BMPR1B: variants seen among roughly 807,000 people sequenced by gnomAD.
BMPR1B encodes the protein bone morphogenetic protein receptor type-1B.
Under a neutral mutation model 59.1 loss-of-function variants are expected in BMPR1B, and 12 were observed. That is an observed-to-expected ratio of 0.20 (90% CI 0.13 to 0.33). BMPR1B has a LOEUF of 0.33. Among genes scored for constraint, BMPR1B ranks in the 10% least tolerant of loss-of-function variants. The pLI is 1.00. For synonymous variants in BMPR1B, 237 were observed against 207.3 expected (o/e 1.14, Z -1.23); for missense variants, 550 against 610.9 (o/e 0.90, Z 1.05).
At chr4:94,777,532 A>G (rs1437924179) in intron 1 of BMPR1B, among the ~76,000 whole-genome samples, 1 of 152,190 alleles carries the variant, frequency 6.6e-6, no homozygotes, top group East Asian at 1.9e-4. Flanking sequence ...ATTTAAAGGA[A>G]AAAAGCTATT....
chr4:95,037,115 A>C (rs554481648), intron 3 of BMPR1B, among the ~76,000 whole-genome samples: 1 of 152,308 alleles, frequency 6.6e-6, no homozygotes, highest in South Asian at 2.1e-4. Flanking sequence ...TCCTAGCTAC[A>C]GAAGCTATGA....
intron 1 of BMPR1B, among the ~76,000 whole-genome samples, chr4:94,797,849 A>G (rs1723254947): frequency 6.6e-6 from 1 of 152,194 alleles, no homozygotes; most frequent in Admixed American, 6.5e-5. Flanking sequence ...TAGATTGTCA[A>G]ATAGCTTCAG....
chr4:95,008,716 G>A (rs1235477221), intron 3 of BMPR1B, among the ~76,000 whole-genome samples: 2 of 151,762 alleles, frequency 1.3e-5, no homozygotes, highest in South Asian at 2.1e-4. Context: ...CACTAAAAAA[G>A]AATAAGAAAG....
intron 1 of BMPR1B, among the ~76,000 whole-genome samples, chr4:94,797,109 T>A (rs888056894): frequency 3.9e-5 from 6 of 152,186 alleles, no homozygotes; most frequent in African/African-American, 1.4e-4. Flanking sequence ...GGGCACTTTT[T>A]ACATGGCAGA....
intron 3 of BMPR1B, among the ~76,000 whole-genome samples, chr4:95,029,020 G>C (rs6844029): frequency 1.3e-5 from 2 of 151,964 alleles, no homozygotes; most frequent in Non-Finnish European, 2.9e-5. Flanking sequence ...TCTCTTATCT[G>C]TGTCTCGCCA....
chr4:95,152,620 TA>T, intron 11 of BMPR1B, 22 bp from the exon 12 acceptor site: 3 of 1,501,538 alleles, frequency 2.0e-6, no homozygotes, highest in Non-Finnish European at 2.7e-6. Flanking sequence ...ATAATAATAA[TA>T]ATAGTAACAA....
At chr4:94,933,871 C>G (rs1344819928) in intron 2 of BMPR1B, among the ~76,000 whole-genome samples, 1 of 152,062 alleles carries the variant, frequency 6.6e-6, no homozygotes, top group Non-Finnish European at 1.5e-5. Flanking sequence ...GTACCATGAC[C>G]TCACTGAACA....
intron 2 of BMPR1B, among the ~76,000 whole-genome samples, chr4:94,910,504 T>C (rs1728231777): frequency 6.6e-6 from 1 of 152,268 alleles, no homozygotes; most frequent in African/African-American, 2.4e-5. Flanking sequence ...CTAAGTAATT[T>C]ATAAGATAAG....
intron 1 of BMPR1B, among the ~76,000 whole-genome samples, chr4:94,807,791 T>C (rs1409071096): frequency 6.6e-6 from 1 of 152,070 alleles, no homozygotes; most frequent in Admixed American, 6.5e-5. Flanking sequence ...TTCAAGAGAT[T>C]TTTGTGCCTC....
At chr4:94,870,220 T>C (rs1726427353) in intron 1 of BMPR1B, among the ~76,000 whole-genome samples, 1 of 152,200 alleles carries the variant, frequency 6.6e-6, no homozygotes, top group Non-Finnish European at 1.5e-5. Flanking sequence ...CTTGTTTTTA[T>C]GATTTTCTTG....
At position 94,999,846 on chromosome 4, in the gene BMPR1B, T is replaced by G. The variant is rs28609579; in HGVS notation, c.-18+3712T>G. Among the ~76,000 whole-genome samples, 1,124 of 152,230 alleles carry G rather than the reference T, an allele frequency of 7.4e-3. 14 individuals are homozygous for G. The highest frequency in any genetic ancestry group is 0.026 in the African/African-American group (1,077 of 41,520). ...ATAATAGAAAATCATGGTCTGAAAA[T>G]TCTCAAACCTGAAAGGTGATATTCC... On this transcript the variant is annotated intron_variant, in intron 3 of 12. Transcript: ENST00000515059.
At chr4:94,843,752 CAATAATGGGGTG>C (rs1725196616) in intron 1 of BMPR1B, among the ~76,000 whole-genome samples, 1 of 152,004 alleles carries the variant, frequency 6.6e-6, no homozygotes, top group South Asian at 2.1e-4. Flanking sequence ...TTTTGATAAG[CAATAATGGGGTG>C]AAAAGCCTTA....
intron 1 of BMPR1B, among the ~76,000 whole-genome samples, chr4:94,863,457 C>T (rs746069573): frequency 3.9e-5 from 6 of 152,196 alleles, no homozygotes; most frequent in Non-Finnish European, 5.9e-5. Context: ...ACAGTGAACA[C>T]TGCTCTTGCC....
chr4:95,061,482 A>T (rs944346020), intron 3 of BMPR1B, among the ~76,000 whole-genome samples: 3 of 152,196 alleles, frequency 2.0e-5, no homozygotes, highest in Non-Finnish European at 4.4e-5. Flanking sequence ...GTTTCCTTTA[A>T]CAGAAAATAA....
At chr4:95,105,172 T>A (rs1276472022) in intron 4 of BMPR1B, among the ~76,000 whole-genome samples, 1 of 152,154 alleles carries the variant, frequency 6.6e-6, no homozygotes, top group African/African-American at 2.4e-5. Context: ...TAAATGCCTT[T>A]ATGCAGCTCC....
chr4:94,848,001 T>A (rs1725407637), intron 1 of BMPR1B, among the ~76,000 whole-genome samples: 1 of 152,180 alleles, frequency 6.6e-6, no homozygotes, highest in South Asian at 2.1e-4. Context: ...GATTATTATG[T>A]ATTGAGTGCC....
chr4:95,126,756 T>G (rs1036380698), intron 8 of BMPR1B, among the ~76,000 whole-genome samples: 2 of 152,182 alleles, frequency 1.3e-5, no homozygotes, highest in African/African-American at 2.4e-5. Context: ...CAGATTTATT[T>G]TCTGGTTTTA....
At chr4:94,918,682 TAAA>T (rs35354766) in intron 2 of BMPR1B, among the ~76,000 whole-genome samples, 1 of 147,452 alleles carries the variant, frequency 6.8e-6, no homozygotes, top group Non-Finnish European at 1.5e-5. Context: ...AGACACTGTT[TAAA>T]AAAAAAAAAA....
At chr4:95,028,556 T>C (rs1724585695) in intron 3 of BMPR1B, among the ~76,000 whole-genome samples, 1 of 152,152 alleles carries the variant, frequency 6.6e-6, no homozygotes, top group Admixed American at 6.6e-5. Context: ...ATTATGAAAC[T>C]AGAAAAGAGG....
Sources: allele counts gnomAD v4.1 joint callset (sites outside exome capture counted in the v4.1 genomes callset), GRCh38; gene constraint gnomAD v4.1.1; transcripts MANE v1.5; gene names NCBI Gene and HGNC (gene_info 2026-07-23, HGNC 2026-07-21).